Variants in PARD3 observed in about 807,000 individuals in gnomAD.
The protein encoded by PARD3 is partitioning defective 3 homolog.
PARD3 carries 75 observed loss-of-function variants against 155.4 expected under a neutral mutation model. That is an observed-to-expected ratio of 0.48 (90% CI 0.40 to 0.58). PARD3 has a LOEUF of 0.58. PARD3 is among the 20% of genes least tolerant of loss of function. The pLI, the probability that PARD3 is intolerant of heterozygous loss-of-function variation, is 0.00. For synonymous variants in PARD3, 576 were observed against 610.5 expected (o/e 0.94, Z 0.83); for missense variants, 1,642 against 1,721.7 (o/e 0.95, Z 0.82).
At chr10:34,401,702 C>A (rs1843898363) in intron 6 of PARD3, 124 bp downstream of exon 6, 1 of 731,932 alleles carries the variant, frequency 1.4e-6, no homozygotes, top group Admixed American at 1.9e-5. Flanking sequence ...AAAAACAAAT[C>A]AATGCACGGC....
chr10:34,742,886 C>T (rs1190282010), intron 1 of PARD3, among the ~76,000 whole-genome samples: 6 of 152,174 alleles, frequency 3.9e-5, no homozygotes, highest in African/African-American at 1.4e-4. Context: ...AAACTGCAGA[C>T]CCTATGTTCC....
chr10:34,351,793 C>G (rs949180863), intron 14 of PARD3, among the ~76,000 whole-genome samples: 1 of 152,258 alleles, frequency 6.6e-6, no homozygotes, highest in Non-Finnish European at 1.5e-5. Context: ...TAGATCCACT[C>G]ACTTGTGTAA....
chr10:34,765,732 T>C (rs913329444), intron 1 of PARD3, among the ~76,000 whole-genome samples: 2 of 151,788 alleles, frequency 1.3e-5, no homozygotes, highest in Non-Finnish European at 2.9e-5. Flanking sequence ...AGCAGTGATA[T>C]CGTTAAGCGC....
chr10:34,513,979 C>T (rs546492555), intron 3 of PARD3, among the ~76,000 whole-genome samples: 5 of 152,260 alleles, frequency 3.3e-5, no homozygotes, highest in African/African-American at 1.2e-4. Context: ...AATCAGAGTT[C>T]TCTCTGTATT....
chr10:34,674,842 A>G (rs1033630151), intron 2 of PARD3, among the ~76,000 whole-genome samples: 1 of 152,120 alleles, frequency 6.6e-6, no homozygotes, highest in African/African-American at 2.4e-5. Flanking sequence ...TCTAAGCCCA[A>G]TTTTGGGGCT....
At chr10:34,736,653 A>AATTAATTAATTT (rs959646647) in intron 1 of PARD3, among the ~76,000 whole-genome samples, 1 of 146,248 alleles carries the variant, frequency 6.8e-6, no homozygotes, top group East Asian at 1.9e-4. Flanking sequence ...TTAATTAATT[A>AATTAATTAATTT]ATTTATTTAT....
At chr10:34,217,918 T>C (rs1320532424) in intron 22 of PARD3, among the ~76,000 whole-genome samples, 4 of 152,080 alleles carry the variant, frequency 2.6e-5, no homozygotes, top group Non-Finnish European at 5.9e-5. Flanking sequence ...TTAAAAAATA[T>C]AATGAAGTCA....
chr10:34,787,588 G>C (rs1841130357), intron 1 of PARD3, among the ~76,000 whole-genome samples: 1 of 152,066 alleles, frequency 6.6e-6, no homozygotes, highest in African/African-American at 2.4e-5. Flanking sequence ...GCTGCAGAGA[G>C]GTACTCAGCA....
At chr10:34,778,261 T>C (rs993618329) in intron 1 of PARD3, among the ~76,000 whole-genome samples, 6 of 152,118 alleles carry the variant, frequency 3.9e-5, no homozygotes, top group Admixed American at 3.3e-4. Flanking sequence ...CATCTGTAAA[T>C]GGACAGGGGA....
Position 34,384,113 on chromosome 10 carries a change from G to A in PARD3, c.1016+16C>T, listed in dbSNP as rs1178904571. 1.9e-6 allele frequency: 3 copies of A among 1,610,990 alleles called. No individual in the cohort carries two copies. Among genetic ancestry groups the A allele is most frequent in the Non-Finnish European group, 2.5e-6 (3 of 1,178,440 alleles). ...TAATGCAAGTAAGAACAGAAGTGCA[G>A]CGAGCACACACTTACTGTTCAAATC... On this transcript the variant is annotated intron_variant, in intron 8 of 24. Transcript: ENST00000374788.
At chr10:34,522,772 CAA>C (rs953128272) in intron 2 of PARD3, among the ~76,000 whole-genome samples, 1 of 152,180 alleles carries the variant, frequency 6.6e-6, no homozygotes, top group Non-Finnish European at 1.5e-5. Flanking sequence ...CACAGAAACA[CAA>C]AGTCGTTTTT....
intron 2 of PARD3, among the ~76,000 whole-genome samples, chr10:34,556,092 T>G (rs553817459): frequency 6.6e-6 from 1 of 152,292 alleles, no homozygotes; most frequent in East Asian, 1.9e-4. Context: ...GAAAGAAGAA[T>G]AAAGCAGAAG....
intron 2 of PARD3, among the ~76,000 whole-genome samples, chr10:34,632,953 G>A (rs1313750790): frequency 6.6e-6 from 1 of 152,238 alleles, no homozygotes; most frequent in Non-Finnish European, 1.5e-5. Context: ...GGCTAAGAAG[G>A]GAGGCCAACC....
chr10:34,367,252 C>G (rs1475910931), intron 12 of PARD3, among the ~76,000 whole-genome samples: 6 of 152,168 alleles, frequency 3.9e-5, no homozygotes, highest in Non-Finnish European at 1.5e-5. Context: ...GAACTTACTG[C>G]CATACATGAT....
At chr10:34,247,821 G>A (rs928122927) in intron 22 of PARD3, among the ~76,000 whole-genome samples, 3 of 152,044 alleles carry the variant, frequency 2.0e-5, no homozygotes, top group Non-Finnish European at 4.4e-5. Flanking sequence ...GTTAATAATC[G>A]GAAAAGTACG....
intron 2 of PARD3, among the ~76,000 whole-genome samples, chr10:34,610,206 TGA>T (rs2090778098): frequency 6.6e-6 from 1 of 152,182 alleles, no homozygotes. Context: ...GCAAGAAGGA[TGA>T]GAGTCATTAA....
intron 4 of PARD3, 103 bp downstream of exon 4, chr10:34,469,981 AG>A (rs999192299): frequency 1.2e-6 from 1 of 858,500 alleles, no homozygotes; most frequent in African/African-American, 1.7e-5. Context: ...GCCATCATGA[AG>A]ATGCCCTGGA....
chr10:34,717,996 T>C (rs1435308345), intron 1 of PARD3, among the ~76,000 whole-genome samples: 1 of 151,702 alleles, frequency 6.6e-6, no homozygotes, highest in Non-Finnish European at 1.5e-5. Context: ...TCTACTAAAA[T>C]ACAAAAAATT....
At chr10:34,344,288 T>G (rs900698453) in intron 15 of PARD3, 152 of 980,722 alleles carry the variant, frequency 1.5e-4, no homozygotes, top group African/African-American at 6.7e-4. Flanking sequence ...TTGTTTTTTT[T>G]TTTTTTTTTT....
Sources: allele counts gnomAD v4.1 joint callset (sites outside exome capture counted in the v4.1 genomes callset), GRCh38; gene constraint gnomAD v4.1.1; transcripts MANE v1.5; gene names NCBI Gene and HGNC (gene_info 2026-07-23, HGNC 2026-07-21).